Variants in HADH observed in about 807,000 individuals in gnomAD.
The protein encoded by HADH is hydroxyacyl-coenzyme A dehydrogenase, mitochondrial.
HADH carries 24 observed loss-of-function variants against 32.2 expected under a neutral mutation model. The observed-to-expected ratio is 0.75, with a 90% CI of 0.54 to 1.05. The LOEUF (loss-of-function observed/expected upper bound fraction) is 1.05, where lower values mean the gene tolerates loss of function less well. Among genes scored for constraint, HADH ranks in the 50% least tolerant of loss-of-function variants. The pLI is 0.00. For missense variants in HADH, 350 were observed against 397.1 expected (o/e 0.88, Z 1.01); for synonymous variants, 139 against 152.5 (o/e 0.91, Z 0.65).
intron 1 of HADH, among the ~76,000 whole-genome samples, chr4:108,004,290 C>T (rs959859871): frequency 3.9e-5 from 6 of 152,202 alleles, no homozygotes; most frequent in African/African-American, 1.2e-4. Flanking sequence ...GCATGCGCAG[C>T]GTGGTGGTCT....
At chr4:108,025,469 A>C (rs953574828) in intron 5 of HADH, 6 of 152,212 alleles carry the variant, frequency 3.9e-5, no homozygotes, top group African/African-American at 1.2e-4. Flanking sequence ...GGAATGAATA[A>C]ATTAATATTT....
chr4:108,010,932 A>G (rs1354635553), intron 2 of HADH, among the ~76,000 whole-genome samples: 4 of 150,002 alleles, frequency 2.7e-5, no homozygotes, highest in Non-Finnish European at 4.4e-5. Context: ...GCTCACCGCA[A>G]CCTCCACCTC....
chr4:108,013,612 A>G (rs143469557), intron 2 of HADH, among the ~76,000 whole-genome samples: 68 of 152,226 alleles, frequency 4.5e-4, no homozygotes, highest in African/African-American at 1.5e-3. Context: ...GACCACCAAT[A>G]TAATAGCTAC....
intron 1 of HADH, among the ~76,000 whole-genome samples, chr4:108,008,597 C>T (rs539245335): frequency 2.0e-5 from 3 of 152,276 alleles, no homozygotes; most frequent in South Asian, 2.1e-4. Flanking sequence ...TCTTATATCA[C>T]GACCATGGTT....
chr4:108,005,717 A>G (rs552663501), intron 1 of HADH, among the ~76,000 whole-genome samples: 2 of 152,350 alleles, frequency 1.3e-5, no homozygotes, highest in African/African-American at 4.8e-5. Context: ...ATTAAATAAA[A>G]TTAAATGAGA....
chr4:108,002,886 A>G (rs1212740713), intron 1 of HADH, among the ~76,000 whole-genome samples: 4 of 152,230 alleles, frequency 2.6e-5, no homozygotes, highest in African/African-American at 4.8e-5. Flanking sequence ...CACCAAGTGT[A>G]GTGAATAAAA....
chr4:107,997,806 CAG>C (rs1560722219), intron 1 of HADH, among the ~76,000 whole-genome samples: 1 of 152,088 alleles, frequency 6.6e-6, no homozygotes. Context: ...GTAAAAATAA[CAG>C]ATGTCTATGA....
intron 3 of HADH, among the ~76,000 whole-genome samples, chr4:108,017,812 G>A (rs1473155385): frequency 1.3e-5 from 2 of 152,186 alleles, no homozygotes; most frequent in Admixed American, 6.5e-5. Flanking sequence ...GCCTCCTAAA[G>A]TGCTGGTATT....
chr4:108,015,185 T>C (rs1444672577), intron 3 of HADH, among the ~76,000 whole-genome samples: 1 of 152,198 alleles, frequency 6.6e-6, no homozygotes, highest in African/African-American at 2.4e-5. Flanking sequence ...GTTCTGTTTT[T>C]AGTTTTTTGA....
chr4:108,010,039 T>A, intron 2 of HADH, 152 bp downstream of exon 2: 1 of 636,166 alleles, frequency 1.6e-6, no homozygotes, highest in East Asian at 2.8e-5. Flanking sequence ...TTTAAACCAA[T>A]ATAATAACAT....
intron 1 of HADH, among the ~76,000 whole-genome samples, chr4:108,002,037 A>G (rs1735133382): frequency 6.6e-6 from 1 of 152,068 alleles, no homozygotes; most frequent in Non-Finnish European, 1.5e-5. Context: ...GGCCTTTAGG[A>G]GGTGATTAGG....
intron 1 of HADH, among the ~76,000 whole-genome samples, chr4:108,001,078 T>TC (rs1735107662): frequency 6.6e-6 from 1 of 152,194 alleles, no homozygotes; most frequent in Non-Finnish European, 1.5e-5. Context: ...AAATAGAAAG[T>TC]ACATTCATTT....
intron 3 of HADH, among the ~76,000 whole-genome samples, chr4:108,015,724 C>G (rs1735669496): frequency 6.6e-6 from 1 of 152,156 alleles, no homozygotes; most frequent in African/African-American, 2.4e-5. Context: ...AGGGGTCCAT[C>G]CAGGGACAGG....
intron 1 of HADH, among the ~76,000 whole-genome samples, chr4:107,991,560 C>T (rs58380511): frequency 0.13 from 19,885 of 152,000 alleles, 2,127 homozygotes; most frequent in African/African-American, 0.29. Context: ...CCTCTGAGAC[C>T]ATAATTTTGG....
In HADH at chr4:107,997,718, A is replaced by G. The variant is rs558946663; in HGVS notation, c.132+7654A>G. Among the ~76,000 whole-genome samples the G allele has an allele frequency of 1.9e-4, 29 of 152,188 alleles. No individual in the cohort carries two copies. The South Asian group carries it at 5.4e-3, about 28-fold the overall frequency. Reference sequence around the variant, plus strand: ...TCTTACCAGCATGTAGGTCACTGTAATATAAAACATGAGTTCTCAATGGAT... The same window carrying G: ...TCTTACCAGCATGTAGGTCACTGTAGTATAAAACATGAGTTCTCAATGGAT... On this transcript the variant is annotated intron_variant, in intron 1 of 7. Transcript: ENST00000309522.
intron 6 of HADH, chr4:108,032,620 G>T: frequency 2.4e-6 from 1 of 424,196 alleles, no homozygotes; most frequent in African/African-American, 2.0e-5. Flanking sequence ...TGAAGTTTCA[G>T]GCATGGAGAC....
At chr4:108,017,307 C>T (rs570292080) in intron 3 of HADH, among the ~76,000 whole-genome samples, 2 of 152,292 alleles carry the variant, frequency 1.3e-5, no homozygotes, top group African/African-American at 4.8e-5. Context: ...GACGCACAGG[C>T]AGCCAGATCG....
At chr4:108,012,259 A>C (rs1735523795) in intron 2 of HADH, among the ~76,000 whole-genome samples, 1 of 152,130 alleles carries the variant, frequency 6.6e-6, no homozygotes, top group South Asian at 2.1e-4. Flanking sequence ...ATGATGGTGG[A>C]GATAATTTTA....
intron 1 of HADH, among the ~76,000 whole-genome samples, chr4:107,997,135 G>C (rs780809190): frequency 1.3e-5 from 2 of 152,236 alleles, no homozygotes; most frequent in African/African-American, 4.8e-5. Context: ...GGCAGGCCTT[G>C]CTGTTAAGGC....
Sources: gnomAD v4.1 joint callset for allele counts (sites outside exome capture counted in the v4.1 genomes callset) on GRCh38, gnomAD v4.1.1 for gene constraint, MANE v1.5 for transcripts, NCBI Gene and HGNC (gene_info 2026-07-23, HGNC 2026-07-21) for gene names.